Variants in IFT52 observed in about 807,000 individuals in gnomAD.
IFT52 encodes intraflagellar transport 52.
A neutral mutation model predicts 54.4 loss-of-function variants in IFT52; 44 were observed. That is an observed-to-expected ratio of 0.81 (90% CI 0.63 to 1.04). IFT52 has a LOEUF of 1.04. Ranked by LOEUF, IFT52 falls within the 50% of genes least tolerant of loss-of-function variation. The probability of loss-of-function intolerance (pLI) is 0.00; values close to 1 mark genes in which losing one functional copy is unlikely to be tolerated. For missense variants in IFT52, 452 were observed against 523.6 expected, an observed-to-expected ratio of 0.86 and a Z score of 1.33; for synonymous variants, 181 against 185.3, an observed-to-expected ratio of 0.98 and a Z score of 0.19.
rs751776604 is a variant in IFT52, at chr20:43,646,992, C to T, written c.*9C>T. The stretch of plus-strand genomic sequence containing the variant: ...TCCAGAACAATTTCTGAAGACCATG[C>T]CTCTTGAAGCTTTTTCTGCCTCCTG... On this transcript the variant is annotated 3_prime_UTR_variant, in exon 14 of 14. Coordinates refer to ENST00000373030, the MANE Select transcript of IFT52 (RefSeq NM_016004.5). 4.3e-6 allele frequency: 7 copies of T among 1,611,024 alleles called. No individual in the cohort carries two copies. The highest frequency in any genetic ancestry group is 5.9e-6 in the Non-Finnish European group (7 of 1,177,332).
chr20:43,635,502 G>T (rs1985468401), intron 10 of IFT52, among the ~76,000 whole-genome samples: 1 of 152,134 alleles, frequency 6.6e-6, no homozygotes, highest in African/African-American at 2.4e-5. Flanking sequence ...TCACTATGTT[G>T]GCCAGGCTGG....
At chr20:43,610,179 T>G (rs1459385201) in intron 6 of IFT52, among the ~76,000 whole-genome samples, 1 of 129,868 alleles carries the variant, frequency 7.7e-6, no homozygotes. Flanking sequence ...GTAATCCCAG[T>G]TACTCGGGAG....
chr20:43,596,979 G>A (rs1601020350), intron 3 of IFT52, among the ~76,000 whole-genome samples: 1 of 151,514 alleles, frequency 6.6e-6, no homozygotes, highest in African/African-American at 2.4e-5. Context: ...CTGACCTTGT[G>A]ATCTGCCTAC....
At chr20:43,616,215 C>T (rs748812583) in intron 7 of IFT52, among the ~76,000 whole-genome samples, 6 of 151,620 alleles carry the variant, frequency 4.0e-5, no homozygotes, top group Non-Finnish European at 7.4e-5. Context: ...TAATAATGTG[C>T]TCATTGTTGG....
intron 5 of IFT52, among the ~76,000 whole-genome samples, chr20:43,604,656 A>G (rs944064180): frequency 3.3e-5 from 5 of 151,520 alleles, no homozygotes; most frequent in African/African-American, 1.2e-4. Flanking sequence ...CTTCTCATAC[A>G]TTCTTTTCAC....
At chr20:43,627,934 T>TTTG (rs1196348521) in intron 10 of IFT52, among the ~76,000 whole-genome samples, 1 of 144,894 alleles carries the variant, frequency 6.9e-6, no homozygotes, top group Non-Finnish European at 1.5e-5. Context: ...TTTTTTTTTT[T>TTTG]TTTTTTTTTT....
intron 3 of IFT52, among the ~76,000 whole-genome samples, chr20:43,597,836 C>T (rs954066750): frequency 1.7e-4 from 24 of 138,726 alleles, no homozygotes; most frequent in African/African-American, 6.5e-4. Context: ...GGAGTTGCAG[C>T]GAGCAGAGAT....
intron 7 of IFT52, among the ~76,000 whole-genome samples, chr20:43,615,494 C>T (rs1272634583): frequency 2.0e-5 from 3 of 152,150 alleles, no homozygotes; most frequent in Non-Finnish European, 4.4e-5. Flanking sequence ...CTAGGAATTA[C>T]CTTTCCCTTC....
rs1246792377 is a variant in IFT52 at position 43,604,881 on chromosome 20, C to G, written c.414-121C>G. On this transcript the variant is annotated intron_variant, in intron 5 of 13. Transcript: ENST00000373030. ...GTGGTGGGAACACAGTTCACTGCAG[C>G]CTTGACCTCCCAGGCTTAAGCAATC... is the stretch of plus-strand genomic sequence containing the variant. 1.0e-5 allele frequency: 10 copies of G among 958,448 alleles called. No individual in the cohort carries two copies. In the East Asian group the frequency reaches 2.7e-4, roughly 26 times the overall value. The allele number at this position is 958,448 out of a possible 1,614,324, so 59.4% of individuals were successfully genotyped here. A position where few individuals can be genotyped will look rare whatever the true frequency, so the allele number is the denominator to read the frequency against.
At position 43,646,965 on chromosome 20, in the gene IFT52, A is replaced by G; in HGVS notation, c.1296A>G (p.Ala432=). 1 of 1,613,894 alleles carries G rather than the reference A, an allele frequency of 6.2e-7. No homozygotes were observed. ...QEHDIDTSET[A]FQNNF Reference sequence around the variant, plus strand: ...ATGACATCGATACAAGTGAAACAGCATTCCAGAACAATTTCTGAAGACCAT... The same window carrying G: ...ATGACATCGATACAAGTGAAACAGCGTTCCAGAACAATTTCTGAAGACCAT... The change falls in exon 14 of 14, where the codon GCA becomes GCG. Residue 432 remains alanine (A), a synonymous_variant. Transcript: ENST00000373030.
At chr20:43,596,575 C>A in intron 3 of IFT52, 53 bp downstream of exon 3, 1 of 1,190,912 alleles carries the variant, frequency 8.4e-7, no homozygotes, top group Non-Finnish European at 1.2e-6. Flanking sequence ...GGAGTCTGAG[C>A]TTTGAAATAC....
At chr20:43,617,319 T>A (rs1372536992) in intron 7 of IFT52, among the ~76,000 whole-genome samples, 1 of 152,216 alleles carries the variant, frequency 6.6e-6, no homozygotes, top group Non-Finnish European at 1.5e-5. Context: ...TATATCATAT[T>A]TTCATATTTA....
chr20:43,610,423 A>G (rs953024347), intron 6 of IFT52, among the ~76,000 whole-genome samples: 4 of 152,124 alleles, frequency 2.6e-5, no homozygotes, highest in African/African-American at 7.2e-5. Context: ...TCACAGAGTT[A>G]ATATTTTTGA....
At chr20:43,620,388 C>T (rs972399528) in intron 8 of IFT52, among the ~76,000 whole-genome samples, 12 of 152,084 alleles carry the variant, frequency 7.9e-5, no homozygotes, top group Admixed American at 7.2e-4. Context: ...CTGGTCATGG[C>T]AGCTCATGCC....
chr20:43,622,547 G>T (rs1984383978), intron 9 of IFT52, among the ~76,000 whole-genome samples: 4 of 151,386 alleles, frequency 2.6e-5, no homozygotes, highest in Admixed American at 2.6e-4. Flanking sequence ...AGCTTGCAGT[G>T]AGCCAAGAGC....
At chr20:43,604,126 A>G in intron 4 of IFT52, 57 bp from the exon 5 acceptor site, 1 of 1,401,956 alleles carries the variant, frequency 7.1e-7, no homozygotes, top group Non-Finnish European at 1.0e-6. Flanking sequence ...GTATGAGTCT[A>G]TAATATCGAA....
At chr20:43,622,597 G>T (rs980455848) in intron 9 of IFT52, among the ~76,000 whole-genome samples, 1 of 148,486 alleles carries the variant, frequency 6.7e-6, no homozygotes, top group South Asian at 2.1e-4. Flanking sequence ...AGCGAGACTC[G>T]TCTCAAAAAA....
At chr20:43,632,890 A>T (rs1446894915) in intron 10 of IFT52, among the ~76,000 whole-genome samples, 1 of 152,238 alleles carries the variant, frequency 6.6e-6, no homozygotes, top group Non-Finnish European at 1.5e-5. Flanking sequence ...GAGAAACCTG[A>T]TATGAAACTT....
chr20:43,631,260 T>C (rs1985150468), intron 10 of IFT52, among the ~76,000 whole-genome samples: 1 of 152,194 alleles, frequency 6.6e-6, no homozygotes, highest in Non-Finnish European at 1.5e-5. Context: ...ATTAAATAAG[T>C]TTAAGTGCCT....
Sources: allele counts gnomAD v4.1 joint callset (sites outside exome capture counted in the v4.1 genomes callset), GRCh38; gene constraint gnomAD v4.1.1; transcripts MANE v1.5; gene names NCBI Gene and HGNC (gene_info 2026-07-23, HGNC 2026-07-21).